The following GPR89A variants were observed in gnomAD, a reference collection of about 807,000 sequenced individuals.
The protein encoded by GPR89A is G protein-coupled receptor 89A.
In GPR89A, 16 loss-of-function variants were observed where a neutral mutation model predicts 52.0. The observed-to-expected ratio is 0.31, with a 90% CI of 0.21 to 0.47. The LOEUF is 0.47. Among genes scored for constraint, GPR89A ranks in the 20% least tolerant of loss-of-function variants. The pLI, the probability that GPR89A is intolerant of heterozygous loss-of-function variation, is 1.00. For synonymous variants in GPR89A, 55 were observed against 150.9 expected (o/e 0.36, Z 4.66); for missense variants, 135 against 449.4 (o/e 0.30, Z 6.33).
chr1:145,634,114 C>T (rs1201881450), intron 7 of GPR89A, among the ~76,000 whole-genome samples: 5 of 149,460 alleles, frequency 3.3e-5, no homozygotes, highest in African/African-American at 9.8e-5. Flanking sequence ...GAGTCTCACT[C>T]TGTTGCCCAG....
Position 145,623,700 on chromosome 1 carries a change from T to G in GPR89A, c.401T>G (p.Leu134Arg). 6.3e-7 allele frequency: 1 copy of G among 1,586,614 alleles called. No individual in the cohort carries two copies. The highest frequency in any genetic ancestry group is 8.5e-7 in the Non-Finnish European group (1 of 1,173,226). The change falls in exon 5 of 14, where the codon CTC (leucine) becomes CGC (arginine). Residue 134 changes from leucine (L) to arginine (R), a missense_variant. Leu to Arg is a moderately radical substitution (Grantham distance 102, BLOSUM62 -2). This residue lies in a region of GPR89A where 2 missense variants were observed against 58.9 expected (regional missense o/e 0.03). Coordinates refer to ENST00000313835, the MANE Select transcript of GPR89A (RefSeq NM_001097612.2). Reference sequence around the variant, plus strand: ...AAACTAGGAGATCCCTTTCCCATTCTCAGCCCAAAACATGGTGAGTATATA... The same window carrying G: ...AAACTAGGAGATCCCTTTCCCATTCGCAGCCCAAAACATGGTGAGTATATA... ...FWKLGDPFPI[L>R]SPKHGILSIE...
intron 1 of GPR89A, among the ~76,000 whole-genome samples, chr1:145,610,988 A>T (rs1262884583): frequency 6.6e-6 from 1 of 151,992 alleles, no homozygotes; most frequent in African/African-American, 2.4e-5. Flanking sequence ...TAAGGTCAAG[A>T]CTCTGTACAA....
chr1:145,614,834 C>G (rs1310248518), intron 1 of GPR89A, among the ~76,000 whole-genome samples: 2 of 152,030 alleles, frequency 1.3e-5, no homozygotes, highest in Non-Finnish European at 2.9e-5. Flanking sequence ...CAGAGGACAT[C>G]TACACAGGTC....
At chr1:145,656,897 A>C (rs1651842849) in intron 10 of GPR89A, among the ~76,000 whole-genome samples, 1 of 151,858 alleles carries the variant, frequency 6.6e-6, no homozygotes, top group African/African-American at 2.4e-5. Flanking sequence ...TTAATCATGA[A>C]AAGGTGTTGG....
chr1:145,645,838 C>T (rs1184750608), intron 8 of GPR89A: 2 of 401,316 alleles, frequency 5.0e-6, no homozygotes, highest in African/African-American at 4.1e-5. Context: ...GAAAGCTATG[C>T]TTTATTATAG....
intron 2 of GPR89A, among the ~76,000 whole-genome samples, chr1:145,616,888 T>C (rs587694724): frequency 6.6e-6 from 1 of 152,206 alleles, no homozygotes; most frequent in South Asian, 2.1e-4. Context: ...AGTGTACGAA[T>C]AGGGAGTGGG....
chr1:145,620,812 G>GT (rs1649089929), intron 3 of GPR89A, among the ~76,000 whole-genome samples: 2 of 152,160 alleles, frequency 1.3e-5, no homozygotes, highest in African/African-American at 2.4e-5. Context: ...GGGATGCTTA[G>GT]TTTTTTCAAG....
chr1:145,656,060 CCA>C lies in GPR89A; in HGVS notation c.910-7266_910-7265del, dbSNP rs1441887195. Among the ~76,000 whole-genome samples, 5 of 152,056 alleles carry C rather than the reference CCA, an allele frequency of 3.3e-5. No homozygotes were observed. The South Asian group carries it at 6.2e-4, about 19-fold the overall frequency. On this transcript the variant is annotated intron_variant, in intron 10 of 13. Coordinates refer to ENST00000313835, the MANE Select transcript of GPR89A (RefSeq NM_001097612.2). ...AGTCCCACCTAAAGAAGCGGTCTGG[CCA>C]CAGTCTGCCACTACCACTGTGCTGT...
intron 10 of GPR89A, among the ~76,000 whole-genome samples, chr1:145,654,177 T>C (rs1349684890): frequency 9.2e-5 from 14 of 151,452 alleles, no homozygotes; most frequent in Non-Finnish European, 1.6e-4. Context: ...AGCATTTGCT[T>C]GTCTGAAAAG....
At chr1:145,608,235 C>T (rs1553685318) in intron 1 of GPR89A, 60 bp downstream of exon 1, 2 of 1,604,810 alleles carry the variant, frequency 1.2e-6, no homozygotes, top group East Asian at 2.2e-5. Flanking sequence ...TCGCCCTCTC[C>T]GGTCCTCCGC....
chr1:145,627,006 G>T (rs1272514806), intron 5 of GPR89A, among the ~76,000 whole-genome samples: 2 of 151,846 alleles, frequency 1.3e-5, no homozygotes, highest in Admixed American at 1.3e-4. Flanking sequence ...AAGATAATCT[G>T]TAAAAGTACT....
chr1:145,659,417 C>A (rs1406570626), intron 10 of GPR89A, among the ~76,000 whole-genome samples: 4 of 151,850 alleles, frequency 2.6e-5, no homozygotes, highest in African/African-American at 9.7e-5. Context: ...TAACTCCTAA[C>A]CTTGTGATCC....
intron 10 of GPR89A, among the ~76,000 whole-genome samples, chr1:145,655,337 G>A (rs587647181): frequency 1.1e-4 from 16 of 151,840 alleles, no homozygotes; most frequent in African/African-American, 3.4e-4. Flanking sequence ...CCAGTTCTGT[G>A]CCCTTGCTGG....
chr1:145,656,685 T>C (rs1399803383), intron 10 of GPR89A, among the ~76,000 whole-genome samples: 10 of 152,162 alleles, frequency 6.6e-5, no homozygotes, highest in Non-Finnish European at 1.0e-4. Flanking sequence ...ATCCTTTTTC[T>C]CCTGCTCCTT....
intron 10 of GPR89A, among the ~76,000 whole-genome samples, chr1:145,647,903 A>G (rs1355289338): frequency 3.0e-5 from 4 of 133,744 alleles, no homozygotes; most frequent in African/African-American, 1.1e-4. Flanking sequence ...ATATATATAT[A>G]TATATATAGA....
At chr1:145,632,033 T>A (rs1418835329) in intron 7 of GPR89A, among the ~76,000 whole-genome samples, 16 of 104,582 alleles carry the variant, frequency 1.5e-4, no homozygotes, top group African/African-American at 3.3e-4. Flanking sequence ...AAAATTTTTT[T>A]AAAAAGATTT....
At chr1:145,629,565 C>T (rs1362198471) in intron 5 of GPR89A, among the ~76,000 whole-genome samples, 1 of 152,126 alleles carries the variant, frequency 6.6e-6, no homozygotes, top group Non-Finnish European at 1.5e-5. Flanking sequence ...TTTGTAATGG[C>T]TCCAAAATCA....
intron 7 of GPR89A, among the ~76,000 whole-genome samples, chr1:145,632,150 C>A (rs1467237252): frequency 2.0e-5 from 3 of 151,492 alleles, no homozygotes; most frequent in Non-Finnish European, 4.4e-5. Flanking sequence ...TGTAAATTGA[C>A]AAATTATGGT....
At chr1:145,647,656 T>C (rs1651094132) in intron 10 of GPR89A, among the ~76,000 whole-genome samples, 2 of 151,118 alleles carry the variant, frequency 1.3e-5, no homozygotes, top group African/African-American at 4.9e-5. Context: ...ATACAAAAAT[T>C]AGCTGGGTGT....
Sources: allele counts gnomAD v4.1 joint callset (sites outside exome capture counted in the v4.1 genomes callset), GRCh38; gene constraint gnomAD v4.1.1; regional missense constraint gnomAD v4.1.1; transcripts MANE v1.5; gene names NCBI Gene and HGNC (gene_info 2026-07-23, HGNC 2026-07-21).